Variants in GMDS observed in about 807,000 individuals in gnomAD.
GMDS encodes GDP-mannose 4,6-dehydratase.
Under a neutral mutation model 49.9 loss-of-function variants are expected in GMDS, and 20 were observed. The observed-to-expected ratio is 0.40, with a 90% CI of 0.28 to 0.58. The LOEUF is 0.58. GMDS is among the 20% of genes least tolerant of loss of function. GMDS has a pLI of 0.42. For synonymous variants in GMDS, 177 were observed against 178.6 expected, an observed-to-expected ratio of 0.99 and a Z score of 0.07; for missense variants, 362 against 481.4, an observed-to-expected ratio of 0.75 and a Z score of 2.32.
At chr6:2,008,754 T>C (rs528822668) in intron 4 of GMDS, among the ~76,000 whole-genome samples, 2 of 152,236 alleles carry the variant, frequency 1.3e-5, no homozygotes, top group South Asian at 4.1e-4. Context: ...TGCTTCATAC[T>C]TGTCCTGTGA....
Position 1,778,263 on chromosome 6 carries a change from A to G in GMDS, c.772-35677T>C, listed in dbSNP as rs903564017. ...GAATAACTTTGCTGGATTCTGTTAC[A>G]CTAGGGCCTCTGTGACCCCTAGGTC... is the stretch of plus-strand genomic sequence containing the variant. On this transcript the variant is annotated intron_variant, in intron 7 of 10. Transcript: ENST00000380815. This position sits in a 1 kb window ranked among gnomAD's most constrained non-coding sequence, Gnocchi z 4.6. Among the ~76,000 whole-genome samples, 3 of 152,182 alleles carry G rather than the reference A, an allele frequency of 2.0e-5. No individual in the cohort carries two copies. The highest frequency in any genetic ancestry group is 2.0e-4 in the Admixed American group (3 of 15,278).
At chr6:1,762,535 A>G (rs1768201057) in intron 7 of GMDS, among the ~76,000 whole-genome samples, 1 of 152,190 alleles carries the variant, frequency 6.6e-6, no homozygotes, top group Non-Finnish European at 1.5e-5. Flanking sequence ...AACCACCACA[A>G]TGTACTTATT....
At chr6:2,079,033 T>TTTTA (rs1772513786) in intron 4 of GMDS, among the ~76,000 whole-genome samples, 1 of 147,330 alleles carries the variant, frequency 6.8e-6, no homozygotes, top group Admixed American at 6.8e-5. Context: ...TTTTTTTTTT[T>TTTTA]TTTTTTTTTT....
intron 9 of GMDS, among the ~76,000 whole-genome samples, chr6:1,639,469 A>G (rs1437210237): frequency 6.6e-6 from 1 of 152,230 alleles, no homozygotes; most frequent in Non-Finnish European, 1.5e-5. Flanking sequence ...CAGTGGTGTT[A>G]GAGAACCTCC....
intron 7 of GMDS, among the ~76,000 whole-genome samples, chr6:1,878,980 G>C (rs552372958): frequency 4.2e-4 from 64 of 152,266 alleles, no homozygotes; most frequent in Non-Finnish European, 7.9e-4. Context: ...TACACAGTGG[G>C]CCCAGTGAAG....
At chr6:1,669,123 TTA>T (rs1176847371) in intron 9 of GMDS, among the ~76,000 whole-genome samples, 1 of 152,240 alleles carries the variant, frequency 6.6e-6, no homozygotes, top group Non-Finnish European at 1.5e-5. Flanking sequence ...ATTAAAAGAA[TTA>T]TTATAATTTT....
Position 1,836,423 on chromosome 6 carries a change from G to A in GMDS, c.771+93680C>T, listed in dbSNP as rs1021169200. Among the ~76,000 whole-genome samples, 2 of 152,140 alleles carry A rather than the reference G, an allele frequency of 1.3e-5. No individual in the cohort carries two copies. The highest frequency in any genetic ancestry group is 4.8e-5 in the African/African-American group (2 of 41,416). ...TCACTAAACTGAAAAAGGCATTTGT[G>A]TTGCCTGTTCTAATTTGTTTATGGT... On this transcript the variant is annotated intron_variant, in intron 7 of 10. Coordinates refer to ENST00000380815, the MANE Select transcript of GMDS (RefSeq NM_001500.4). This position sits in a 1 kb window ranked among gnomAD's most constrained non-coding sequence, Gnocchi z 4.2.
At chr6:1,663,240 G>A (rs183376978) in intron 9 of GMDS, among the ~76,000 whole-genome samples, 170 of 152,308 alleles carry the variant, frequency 1.1e-3, no homozygotes, top group Admixed American at 1.8e-3. Flanking sequence ...CTTCGTTAGG[G>A]ATGCTGGGAA....
At chr6:1,740,442 A>G (rs1293852632) in intron 8 of GMDS, among the ~76,000 whole-genome samples, 1 of 152,046 alleles carries the variant, frequency 6.6e-6, no homozygotes, top group Non-Finnish European at 1.5e-5. Context: ...CTGTAATCCC[A>G]GCTACTTGGG....
At chr6:1,752,561 A>G (rs1767776487) in intron 7 of GMDS, among the ~76,000 whole-genome samples, 1 of 152,200 alleles carries the variant, frequency 6.6e-6, no homozygotes, top group African/African-American at 2.4e-5. Context: ...CCTCAAGAAG[A>G]GCAATCCCAA....
chr6:1,684,934 A>C (rs1764920390), intron 9 of GMDS, among the ~76,000 whole-genome samples: 1 of 152,114 alleles, frequency 6.6e-6, no homozygotes, highest in Admixed American at 6.5e-5. Flanking sequence ...TGTGCCTGCC[A>C]CTGAAGCCAC....
At chr6:2,067,122 G>A (rs1270865047) in intron 4 of GMDS, among the ~76,000 whole-genome samples, 4 of 150,724 alleles carry the variant, frequency 2.7e-5, no homozygotes, top group African/African-American at 7.3e-5. Flanking sequence ...ACTCAAAACC[G>A]CTCAACTACA....
intron 4 of GMDS, among the ~76,000 whole-genome samples, chr6:2,103,598 G>A (rs1055784400): frequency 1.1e-4 from 16 of 152,188 alleles, no homozygotes; most frequent in African/African-American, 3.9e-4. Context: ...TGATGGGATT[G>A]TTAAGGACAT....
At chr6:1,913,388 C>CAAAAAAA (rs56262461) in intron 7 of GMDS, among the ~76,000 whole-genome samples, 983 of 103,044 alleles carry the variant, frequency 9.5e-3, no homozygotes, top group Non-Finnish European at 0.012. Context: ...CTCAAACAAA[C>CAAAAAAA]AAAAAAAAAA....
chr6:2,033,723 G>C (rs951853441), intron 4 of GMDS, among the ~76,000 whole-genome samples: 1 of 152,166 alleles, frequency 6.6e-6, no homozygotes, highest in African/African-American at 2.4e-5. Context: ...CAGTACAGAT[G>C]AGTCGTTCCT....
At chr6:2,227,636 G>A (rs566699076) in intron 1 of GMDS, among the ~76,000 whole-genome samples, 1 of 152,220 alleles carries the variant, frequency 6.6e-6, no homozygotes, top group South Asian at 2.1e-4. Flanking sequence ...ACTGGATGCA[G>A]GGAGTGAGGT....
At chr6:2,171,484 G>A (rs541010082) in intron 1 of GMDS, among the ~76,000 whole-genome samples, 1 of 152,306 alleles carries the variant, frequency 6.6e-6, no homozygotes, top group African/African-American at 2.4e-5. Flanking sequence ...TTGATGATTA[G>A]ATGCAATTAA....
intron 4 of GMDS, among the ~76,000 whole-genome samples, chr6:1,975,924 G>A (rs904757895): frequency 7.0e-4 from 107 of 152,278 alleles, no homozygotes; most frequent in African/African-American, 2.5e-3. Context: ...TGAGGTTCCT[G>A]CACCCCTAGG....
chr6:2,076,966 T>C (rs1004193898), intron 4 of GMDS, among the ~76,000 whole-genome samples: 9 of 152,214 alleles, frequency 5.9e-5, no homozygotes, highest in Admixed American at 5.9e-4. Flanking sequence ...GTTTGTCTTC[T>C]ATTTCGTTCA....
Sources: allele counts gnomAD v4.1 joint callset (sites outside exome capture counted in the v4.1 genomes callset), GRCh38; gene constraint gnomAD v4.1.1; non-coding constraint Gnocchi (gnomAD v3.1); transcripts MANE v1.5; gene names NCBI Gene and HGNC (gene_info 2026-07-23, HGNC 2026-07-21).